BET1: variants seen among roughly 807,000 people sequenced by gnomAD.
The protein encoded by BET1 is Bet1 golgi vesicular membrane trafficking protein.
In BET1, 9 loss-of-function variants were observed where a neutral mutation model predicts 13.9. The observed-to-expected ratio is 0.65, with a 90% confidence interval of 0.39 to 1.13. The LOEUF (loss-of-function observed/expected upper bound fraction) is 1.13, where lower values mean the gene tolerates loss of function less well. Ranked by LOEUF, BET1 falls within the 50% of genes most tolerant of loss-of-function variation. BET1 has a pLI of 0.01. For missense variants in BET1, 127 were observed against 133.6 expected (o/e 0.95, Z 0.24); for synonymous variants, 39 against 47.3 (o/e 0.82, Z 0.72).
chr7:93,985,970 T>C (rs1276848184), intron 4 of BET1, among the ~76,000 whole-genome samples: 2 of 152,214 alleles, frequency 1.3e-5, no homozygotes, highest in Non-Finnish European at 2.9e-5. Flanking sequence ...CCTGTGATAC[T>C]GAGATTTAAA....
intron 4 of BET1, among the ~76,000 whole-genome samples, chr7:93,981,352 T>A (rs1415329039): frequency 6.6e-6 from 1 of 152,172 alleles, no homozygotes; most frequent in East Asian, 1.9e-4. Context: ...AAAAGGTCAT[T>A]AATTGTTTAC....
In BET1 at chr7:93,993,328, A is replaced by G; in HGVS notation, c.*902T>C. On this transcript the variant is annotated 3_prime_UTR_variant, in exon 4 of 4. Coordinates refer to ENST00000222547, the MANE Select transcript of BET1 (RefSeq NM_005868.6). ...ATTCCAAAATACAGAATATTTAACA[A>G]TATTTAATATTTTTTACTCAACAGT... 1.1e-6 allele frequency: 1 copy of G among 937,758 alleles called. No individual in the cohort carries two copies. Among genetic ancestry groups the G allele is most frequent in the Non-Finnish European group, 1.3e-6 (1 of 786,486 alleles). 58.1% of individuals were successfully genotyped at this position (937,758 alleles called of 1,614,324 possible). A position where few individuals can be genotyped will look rare whatever the true frequency, so the allele number is the denominator to read the frequency against.
At chr7:93,974,946 T>C (rs185992546) in intron 5 of BET1, among the ~76,000 whole-genome samples, 8 of 152,208 alleles carry the variant, frequency 5.3e-5, no homozygotes, top group African/African-American at 1.9e-4. Context: ...TATACATATA[T>C]TGACATGATA....
chr7:93,972,831 C>T (rs1795278102), intron 5 of BET1, among the ~76,000 whole-genome samples: 1 of 151,490 alleles, frequency 6.6e-6, no homozygotes, highest in Non-Finnish European at 1.5e-5. Context: ...GGGTAGACAG[C>T]ATCACTCGTA....
At chr7:93,967,673 A>T (rs1259712930) in intron 6 of BET1, among the ~76,000 whole-genome samples, 2 of 151,824 alleles carry the variant, frequency 1.3e-5, no homozygotes, top group Non-Finnish European at 1.5e-5. Context: ...ACAATTTCTT[A>T]AAAAATATCT....
rs1795692872 is a variant in BET1, at chr7:93,993,824, A to G, written c.*406T>C. On this transcript the variant is annotated 3_prime_UTR_variant, in exon 4 of 4. Coordinates refer to ENST00000222547, the MANE Select transcript of BET1 (RefSeq NM_005868.6). ...AAATTCAATTACCATTTTACCACAA[A>G]CTGGCTGACTACTTCAAGAGCTCAG... 2.0e-6 allele frequency: 3 copies of G among 1,530,262 alleles called. No individual in the cohort carries two copies. Among genetic ancestry groups the G allele is most frequent in the African/African-American group, 1.4e-5 (1 of 72,862 alleles). 94.8% of individuals were successfully genotyped at this position (1,530,262 alleles called of 1,614,324 possible). A position where few individuals can be genotyped will look rare whatever the true frequency, so the allele number is the denominator to read the frequency against.
chr7:93,981,491 G>A (rs1434915914), intron 4 of BET1, among the ~76,000 whole-genome samples: 2 of 152,172 alleles, frequency 1.3e-5, no homozygotes, highest in Non-Finnish European at 1.5e-5. Flanking sequence ...TGATTCAAAA[G>A]CTTATTGGGA....
intron 2 of BET1, 35 bp downstream of exon 2, chr7:93,999,135 A>T (rs758430860): frequency 1.4e-6 from 2 of 1,441,672 alleles, no homozygotes; most frequent in Non-Finnish European, 1.9e-6. Flanking sequence ...GAAATATATG[A>T]ATTAAAACAC....
downstream of BET1, among the ~76,000 whole-genome samples, chr7:93,989,039 G>A (rs1468192063): frequency 6.7e-6 from 1 of 149,204 alleles, no homozygotes; most frequent in African/African-American, 2.5e-5. Context: ...TTTTTGAGAC[G>A]GAGTCACTCT....
chr7:93,994,003 A>C lies in BET1; in HGVS notation c.*227T>G. On this transcript the variant is annotated 3_prime_UTR_variant, in exon 4 of 4. Transcript: ENST00000222547. ...ACAAACTGGAAATTAGTGGAGCCACACCCTCTCACTACCCCTGAAAATAGG... is the reference window on the plus strand; with the variant it reads ...ACAAACTGGAAATTAGTGGAGCCACCCCCTCTCACTACCCCTGAAAATAGG... The C allele has an allele frequency of 6.6e-7, 1 of 1,521,710 alleles. No individual in the cohort carries two copies. Among genetic ancestry groups the C allele is most frequent in the Non-Finnish European group, 8.8e-7 (1 of 1,140,202 alleles). The allele number at this position is 1,521,710 out of a possible 1,614,324, so 94.3% of individuals were successfully genotyped here.
At chr7:93,974,631 T>C (rs960562525) in intron 5 of BET1, among the ~76,000 whole-genome samples, 49 of 152,044 alleles carry the variant, frequency 3.2e-4, no homozygotes, top group African/African-American at 1.1e-3. Context: ...GATAAGTATT[T>C]GAGTAGATAC....
At chr7:93,975,448 C>G (rs1447730883) in intron 5 of BET1, among the ~76,000 whole-genome samples, 1 of 152,026 alleles carries the variant, frequency 6.6e-6, no homozygotes, top group Non-Finnish European at 1.5e-5. Context: ...TTTCCAAAAT[C>G]TCTACAATGA....
chr7:93,976,309 C>T (rs1795334964), intron 4 of BET1, among the ~76,000 whole-genome samples: 1 of 151,632 alleles, frequency 6.6e-6, no homozygotes, highest in African/African-American at 2.4e-5. Flanking sequence ...TCCAGAACTA[C>T]TTTTCACAGG....
downstream of BET1, chr7:93,992,289 T>C (rs1226969831): frequency 6.1e-6 from 6 of 985,164 alleles, no homozygotes; most frequent in Admixed American, 1.8e-4. Flanking sequence ...ATCTGCTTGA[T>C]GATACTGTCC....
chr7:93,984,682 G>T (rs2116078388), intron 4 of BET1, among the ~76,000 whole-genome samples: 1 of 152,210 alleles, frequency 6.6e-6, no homozygotes. Flanking sequence ...CTACAGAATA[G>T]CCTCCAGATT....
chr7:93,962,826 T>A (rs1481019719), exon 7 of BET1: 4 of 151,950 alleles, frequency 2.6e-5, no homozygotes, highest in Admixed American at 2.6e-4. Flanking sequence ...TTATCTGAAA[T>A]TCAAAATACT....
At chr7:93,998,309 C>T (rs976060165) in intron 2 of BET1, among the ~76,000 whole-genome samples, 10 of 152,118 alleles carry the variant, frequency 6.6e-5, no homozygotes, top group Admixed American at 2.0e-4. Context: ...ATATTCTAAA[C>T]GAGGACTGTG....
At chr7:93,979,055 C>A (rs1795384613) in intron 4 of BET1, among the ~76,000 whole-genome samples, 1 of 152,172 alleles carries the variant, frequency 6.6e-6, no homozygotes, top group Admixed American at 6.5e-5. Flanking sequence ...GCTGCTTCTG[C>A]CACTGATAGT....
At chr7:93,987,423 A>G (rs1180695832) in intron 4 of BET1, among the ~76,000 whole-genome samples, 1 of 152,194 alleles carries the variant, frequency 6.6e-6, no homozygotes, top group African/African-American at 2.4e-5. Flanking sequence ...TGCAAGGTGC[A>G]GTTCTGCATG....
Sources: allele counts gnomAD v4.1 joint callset (sites outside exome capture counted in the v4.1 genomes callset), GRCh38; gene constraint gnomAD v4.1.1; transcripts MANE v1.5; gene names NCBI Gene and HGNC (gene_info 2026-07-23, HGNC 2026-07-21).